COL6A5: variants seen among roughly 807,000 people sequenced by gnomAD.
The protein encoded by COL6A5 is collagen alpha-5(VI) chain.
A neutral mutation model predicts 65.6 loss-of-function variants in COL6A5; 48 were observed. The ratio of observed to expected loss-of-function variants is 0.73; its 90% CI spans 0.58 to 0.93. COL6A5 has a LOEUF of 0.93. Among genes scored for constraint, COL6A5 ranks in the 40% least tolerant of loss-of-function variants. COL6A5 has a pLI of 0.00. For missense variants in COL6A5, 914 were observed against 928.3 expected, an observed-to-expected ratio of 0.98 and a Z score of 0.20; for synonymous variants, 291 against 322.8, an observed-to-expected ratio of 0.90 and a Z score of 1.05.
At position 130,449,319 on chromosome 3, in the gene COL6A5, C is replaced by T. The variant is rs370637868; in HGVS notation, c.1332+5753C>T. On this transcript the variant is annotated intron_variant, in intron 4 of 7. Coordinates refer to ENST00000512836, the Ensembl canonical transcript of COL6A5. ...TTTGGACTGAGACCGAGTCCAGGAACAAACCCCATGTTTTCCATCATATGC... is the reference window on the plus strand; with the variant it reads ...TTTGGACTGAGACCGAGTCCAGGAATAAACCCCATGTTTTCCATCATATGC... 3.9e-5 allele frequency among the ~76,000 whole-genome samples: 6 copies of T among 152,230 alleles called. No homozygotes were observed. In the East Asian group the frequency reaches 1.2e-3, roughly 30 times the overall value.
chr3:130,465,603 G>A (rs1029626726), intron 5 of COL6A5, among the ~76,000 whole-genome samples: 1 of 152,056 alleles, frequency 6.6e-6, no homozygotes, highest in African/African-American at 2.4e-5. Flanking sequence ...CTCTTTCCAT[G>A]CAACTTAACT....
intron 1 of COL6A5, 69 bp downstream of exon 33, chr3:130,432,018 G>A (rs759184742): frequency 5.5e-6 from 8 of 1,443,152 alleles, no homozygotes; most frequent in Non-Finnish European, 7.4e-6. Context: ...GGCAGGATGG[G>A]AGTGGTAGAG....
chr3:130,402,939 T>A (rs975508096), intron 12 of COL6A5, among the ~76,000 whole-genome samples: 1 of 152,170 alleles, frequency 6.6e-6, no homozygotes. Context: ...GGAAGGACAA[T>A]TTATATTGAA....
At chr3:130,369,667 T>C (rs1935477884) in intron 1 of COL6A5, among the ~76,000 whole-genome samples, 1 of 152,204 alleles carries the variant, frequency 6.6e-6, no homozygotes, top group African/African-American at 2.4e-5. Context: ...AGGAATGCAA[T>C]CAAAAGAAGG....
intron 17 of COL6A5, 54 bp from the exon 18 acceptor site, chr3:130,409,272 C>A: frequency 1.4e-6 from 2 of 1,405,712 alleles, no homozygotes; most frequent in Non-Finnish European, 1.9e-6. Flanking sequence ...ACACTTAACA[C>A]CATTATACAA....
intron 5 of COL6A5, among the ~76,000 whole-genome samples, chr3:130,386,113 C>T (rs113445422): frequency 2.4e-4 from 37 of 152,006 alleles, no homozygotes; most frequent in African/African-American, 8.4e-4. Flanking sequence ...GTGTTGATTG[C>T]CAGTATTAGC....
At chr3:130,418,697 A>G (rs528863852) in intron 24 of COL6A5, among the ~76,000 whole-genome samples, 172 bp from the exon 25 acceptor site, 5 of 152,148 alleles carry the variant, frequency 3.3e-5, no homozygotes, top group African/African-American at 1.2e-4. Context: ...TGTGCTAGAC[A>G]TCTTCTGCTA....
chr3:130,363,683 T>A (rs969481199), intron 1 of COL6A5, among the ~76,000 whole-genome samples: 67 of 152,346 alleles, frequency 4.4e-4, no homozygotes, highest in African/African-American at 1.5e-3. Context: ...ATTTTTTCTT[T>A]TATCTTTACT....
intron 8 of COL6A5, among the ~76,000 whole-genome samples, chr3:130,397,224 C>T (rs77995367): frequency 0.078 from 11,808 of 152,158 alleles, 560 homozygotes; most frequent in East Asian, 0.18. Flanking sequence ...TTAAAATGCA[C>T]GCCCACATGC....
chr3:130,397,842 C>T, exon 9 of COL6A5: 1 of 1,551,680 alleles, frequency 6.4e-7, no homozygotes, highest in South Asian at 1.2e-5. Flanking sequence ...AAGTCAACGT[C>T]AGTGGGCCAA....
chr3:130,442,745 GA>G (rs546209418), intron 3 of COL6A5, among the ~76,000 whole-genome samples: 87 of 152,118 alleles, frequency 5.7e-4, no homozygotes, highest in Non-Finnish European at 9.6e-4. Flanking sequence ...CAATTAATCA[GA>G]AGATATATTT....
chr3:130,439,937 G>C (rs1159482667), intron 2 of COL6A5, among the ~76,000 whole-genome samples: 2 of 152,156 alleles, frequency 1.3e-5, no homozygotes, highest in Non-Finnish European at 2.9e-5. Flanking sequence ...GCAGGTATCT[G>C]TGCTACCTAC....
At position 130,405,666 on chromosome 3, in the gene COL6A5, C is replaced by G. The variant is rs1220309236; in HGVS notation, c.4353+7C>G. On this transcript the variant is annotated splice_region_variant and intron_variant and NMD_transcript_variant, in intron 14 of 41. Coordinates refer to the COL6A5 transcript ENST00000312481. Reference sequence around the variant, plus strand: ...AGGGGCGTGGGGTCAGAAGGTAAGGCTCTTCTGTAAATGTTATTTCCAATT... The same window carrying G: ...AGGGGCGTGGGGTCAGAAGGTAAGGGTCTTCTGTAAATGTTATTTCCAATT... 21 of 1,540,514 alleles carry G rather than the reference C, an allele frequency of 1.4e-5. No homozygotes were observed. The highest frequency in any genetic ancestry group is 3.9e-5 in the Admixed American group (2 of 50,826).
chr3:130,451,373 G>T (rs6800797), intron 4 of COL6A5, among the ~76,000 whole-genome samples: 85,190 of 151,810 alleles, frequency 0.56, 26,528 homozygotes, highest in Non-Finnish European at 0.71. Context: ...TGAGAAAGGG[G>T]CATTGGAGGA....
In COL6A5 at chr3:130,471,931, T is replaced by C. The variant is rs189499330; in HGVS notation, c.2328+964T>C. On this transcript the variant is annotated intron_variant, in intron 7 of 7. Coordinates refer to ENST00000512836, the Ensembl canonical transcript of COL6A5. The stretch of plus-strand genomic sequence containing the variant: ...ATAAACAGCAAGAAAAAGAAGGTAA[T>C]CGTGAGTACCATAGAGCTGAAGACC... The C allele has an allele frequency of 4.0e-4, 611 of 1,534,230 alleles. 3 individuals carry two copies. The African/African-American group carries it at 7.5e-3, about 19-fold the overall frequency.
At chr3:130,345,790 C>T in exon 1 of COL6A5, 1 of 398,384 alleles carries the variant, frequency 2.5e-6, no homozygotes. Flanking sequence ...TGCGGGAATC[C>T]ACCTGCAGCT....
At chr3:130,439,660 C>A in intron 2 of COL6A5, 45 bp downstream of exon 34, 1 of 1,267,938 alleles carries the variant, frequency 7.9e-7, no homozygotes, top group Non-Finnish European at 1.1e-6. Context: ...AGCTTAAATG[C>A]CTTCTAGATG....
chr3:130,394,987 C>A (rs1445602580), exon 8 of COL6A5: 2 of 1,551,412 alleles, frequency 1.3e-6, no homozygotes, highest in Non-Finnish European at 1.7e-6. Flanking sequence ...TCTTGTCAGA[C>A]TTAATCGATA....
intron 4 of COL6A5, among the ~76,000 whole-genome samples, chr3:130,451,376 T>C (rs1220951618): frequency 5.9e-5 from 9 of 151,778 alleles, no homozygotes; most frequent in Non-Finnish European, 5.9e-5. Context: ...GAAAGGGGCA[T>C]TGGAGGAGCA....
Sources: gnomAD v4.1 joint callset for allele counts (sites outside exome capture counted in the v4.1 genomes callset) on GRCh38, gnomAD v4.1.1 for gene constraint, MANE v1.5 for transcripts, NCBI Gene and HGNC (gene_info 2026-07-23, HGNC 2026-07-21) for gene names.